The following CMSS1 variants were observed in gnomAD, a reference collection of about 807,000 sequenced individuals.
The protein encoded by CMSS1 is cms1 ribosomal small subunit homolog.
In CMSS1, 33 loss-of-function variants were observed where a neutral mutation model predicts 43.5. That is an observed-to-expected ratio of 0.76 (90% CI 0.57 to 1.01). The LOEUF (loss-of-function observed/expected upper bound fraction) is 1.01, where lower values mean the gene tolerates loss of function less well. CMSS1 is among the 50% of genes least tolerant of loss of function. The probability of loss-of-function intolerance (pLI) is 0.00; values close to 1 mark genes in which losing one functional copy is unlikely to be tolerated. For synonymous variants in CMSS1, 115 were observed against 117.2 expected (o/e 0.98, Z 0.12); for missense variants, 313 against 326.4 (o/e 0.96, Z 0.32).
At chr3:100,114,862 A>G (rs1194882483) in intron 1 of CMSS1, 17 of 967,840 alleles carry the variant, frequency 1.8e-5, no homozygotes, top group Admixed American at 2.2e-5. Flanking sequence ...CCCATAACCC[A>G]AGGCACTGTA....
Position 100,013,260 on chromosome 3 carries a change from T to TG in CMSS1, c.65-133713_65-133712insG, listed in dbSNP as rs59918100. Among the ~76,000 whole-genome samples, 106 of 150,626 alleles carry TG rather than the reference T, an allele frequency of 7.0e-4. 3 individuals carry two copies. The East Asian group carries it at 0.02, about 29-fold the overall frequency. On this transcript the variant is annotated intron_variant, in intron 1 of 9. Transcript: ENST00000421999. ...TTGTTGTTGTTGTTGTTGTTGTTGT[T>TG]TGAGATGGAGTCTTGCTCTGTCACC...
chr3:100,038,447 G>A (rs2065147059), intron 1 of CMSS1, among the ~76,000 whole-genome samples: 1 of 152,134 alleles, frequency 6.6e-6, no homozygotes, highest in Non-Finnish European at 1.5e-5. Context: ...TGCTTATAGA[G>A]AATTCGAGTA....
intron 1 of CMSS1, among the ~76,000 whole-genome samples, chr3:99,994,630 A>G (rs1482349425): frequency 6.6e-6 from 1 of 152,200 alleles, no homozygotes; most frequent in African/African-American, 2.4e-5. Flanking sequence ...GTTCCTGAAC[A>G]ATCACTGGGT....
chr3:100,045,562 G>T lies in CMSS1; in HGVS notation c.65-101411G>T, dbSNP rs186807972. Reference sequence around the variant, plus strand: ...ATAATTCTCCCCCTGAAAAATCAGGGGACTTCATTTATCTTAAATGGGACA... The same window carrying T: ...ATAATTCTCCCCCTGAAAAATCAGGTGACTTCATTTATCTTAAATGGGACA... On this transcript the variant is annotated intron_variant, in intron 1 of 9. Coordinates refer to ENST00000421999, the MANE Select transcript of CMSS1 (RefSeq NM_032359.4). 3.9e-5 allele frequency among the ~76,000 whole-genome samples: 6 copies of T among 151,916 alleles called. No individual in the cohort carries two copies. In the East Asian group the frequency reaches 1.2e-3, roughly 29 times the overall value.
intron 2 of CMSS1, chr3:100,159,917 G>T (rs768444253): frequency 1.3e-5 from 6 of 456,436 alleles, no homozygotes; most frequent in African/African-American, 4.0e-5. Flanking sequence ...TTATAAAAAC[G>T]TAAGTTAATA....
chr3:99,886,266 G>A (rs1354232716), intron 1 of CMSS1, among the ~76,000 whole-genome samples: 1 of 146,992 alleles, frequency 6.8e-6, no homozygotes, highest in Non-Finnish European at 1.5e-5. Context: ...GTAAAGCAGG[G>A]ATGTTATCAC....
intron 1 of CMSS1, among the ~76,000 whole-genome samples, chr3:99,859,175 T>C (rs1944117773): frequency 1.3e-5 from 2 of 152,266 alleles, no homozygotes; most frequent in African/African-American, 4.8e-5. Context: ...TCCATAGTGC[T>C]ATGCAGTTCA....
chr3:99,836,496 G>T (rs184455436), intron 1 of CMSS1, among the ~76,000 whole-genome samples: 3 of 152,154 alleles, frequency 2.0e-5, no homozygotes, highest in African/African-American at 7.2e-5. Flanking sequence ...TAGAGAAATT[G>T]TTGATACTAC....
chr3:99,935,110 A>T (rs1425488409), intron 1 of CMSS1, among the ~76,000 whole-genome samples: 1 of 152,190 alleles, frequency 6.6e-6, no homozygotes, highest in Non-Finnish European at 1.5e-5. Context: ...GAAAACAAAG[A>T]CATGAATTTC....
At chr3:100,053,719 G>A (rs2065413275) in intron 1 of CMSS1, among the ~76,000 whole-genome samples, 1 of 152,142 alleles carries the variant, frequency 6.6e-6, no homozygotes. Context: ...GTCTACACTT[G>A]AGCATTCTGT....
chr3:100,080,957 G>C (rs2065922904), intron 1 of CMSS1, among the ~76,000 whole-genome samples: 1 of 152,194 alleles, frequency 6.6e-6, no homozygotes, highest in Non-Finnish European at 1.5e-5. Flanking sequence ...TTTTAGGTCT[G>C]TGTTTGCAGA....
At chr3:99,897,754 C>T (rs1301313276) in intron 1 of CMSS1, among the ~76,000 whole-genome samples, 1 of 152,102 alleles carries the variant, frequency 6.6e-6, no homozygotes, top group Non-Finnish European at 1.5e-5. Context: ...TTTACCTTGA[C>T]CAGATGGGGA....
chr3:100,103,536 A>G (rs2066343701), intron 1 of CMSS1, among the ~76,000 whole-genome samples: 1 of 152,192 alleles, frequency 6.6e-6, no homozygotes, highest in Non-Finnish European at 1.5e-5. Flanking sequence ...GGTTTTTTCT[A>G]GGCAAGTTGG....
At chr3:99,915,044 G>A (rs1434602609) in intron 1 of CMSS1, among the ~76,000 whole-genome samples, 1 of 152,100 alleles carries the variant, frequency 6.6e-6, no homozygotes, top group African/African-American at 2.4e-5. Flanking sequence ...CCCCTTTTAG[G>A]ATCATTTTTT....
chr3:100,140,879 C>A (rs1447473358), intron 1 of CMSS1, among the ~76,000 whole-genome samples: 1 of 151,896 alleles, frequency 6.6e-6, no homozygotes, highest in Non-Finnish European at 1.5e-5. Flanking sequence ...CTGCCCCAAC[C>A]ACAGCAATTC....
At chr3:100,115,969 T>TTTTTTG (rs1407304656) in intron 1 of CMSS1, among the ~76,000 whole-genome samples, 1 of 152,252 alleles carries the variant, frequency 6.6e-6, no homozygotes, top group Non-Finnish European at 1.5e-5. Flanking sequence ...TTCACATTTT[T>TTTTTTG]GAAGAGTACG....
intron 1 of CMSS1, among the ~76,000 whole-genome samples, chr3:100,031,456 TAGTA>T: frequency 6.6e-6 from 1 of 152,232 alleles, no homozygotes; most frequent in African/African-American, 2.4e-5. Context: ...CATGGTGATC[TAGTA>T]AGTGAGTGAA....
In CMSS1 at chr3:100,172,365, T is replaced by A. The variant is rs2067117900; in HGVS notation, c.629T>A (p.Val210Glu). 1.2e-6 allele frequency: 2 copies of A among 1,613,848 alleles called. No homozygotes were observed. Among genetic ancestry groups the A allele is most frequent in the African/African-American group, 2.7e-5 (2 of 75,018 alleles). ...GAGAAGCGTGTGGTGCACCTGGGTG[T>A]AGGAACTCCGGGGAGAATTAAAGAA... ...LLEKRVVHLG[V>E]GTPGRIKELV... The change falls in exon 8 of 10, where the codon GTA becomes GAA. Residue 210 changes from valine to glutamate, a missense_variant. Val to Glu is a moderately radical substitution (Grantham distance 121, BLOSUM62 -2). Transcript: ENST00000421999.
intron 1 of CMSS1, among the ~76,000 whole-genome samples, chr3:99,944,736 A>G (rs546964206): frequency 2.0e-4 from 30 of 152,334 alleles, no homozygotes; most frequent in African/African-American, 6.0e-4. Context: ...CTCTTTAGGA[A>G]GAATTATCTG....
Sources: allele counts gnomAD v4.1 joint callset (sites outside exome capture counted in the v4.1 genomes callset), GRCh38; gene constraint gnomAD v4.1.1; transcripts MANE v1.5; gene names NCBI Gene and HGNC (gene_info 2026-07-23, HGNC 2026-07-21).